Variants in TSPEAR observed in about 807,000 individuals in gnomAD.
TSPEAR encodes thrombospondin-type laminin G domain and EAR repeat-containing protein.
TSPEAR carries 69 observed loss-of-function variants against 71.6 expected under a neutral mutation model. The observed-to-expected ratio is 0.96, with a 90% CI of 0.79 to 1.18. The LOEUF (loss-of-function observed/expected upper bound fraction) is 1.18. Ranked by LOEUF, TSPEAR falls within the 50% of genes most tolerant of loss-of-function variation. TSPEAR has a pLI of 0.00. For missense variants in TSPEAR, 971 were observed against 894.9 expected, an observed-to-expected ratio of 1.09 and a Z score of -1.09; for synonymous variants, 402 against 387.2, an observed-to-expected ratio of 1.04 and a Z score of -0.45.
chr21:44,704,920 C>T (rs1243329790), intron 1 of TSPEAR, among the ~76,000 whole-genome samples: 1 of 152,132 alleles, frequency 6.6e-6, no homozygotes, highest in Non-Finnish European at 1.5e-5. Context: ...CTGCCCGCCC[C>T]GCCCAGACGC....
rs189930784 is a variant in TSPEAR at position 44,660,000 on chromosome 21, A to G, written c.82+51433T>C. Among the ~76,000 whole-genome samples, 229 of 152,344 alleles carry G rather than the reference A, an allele frequency of 1.5e-3. 1 individual carries two copies. Among genetic ancestry groups the G allele is most frequent in the African/African-American group, 5.4e-3 (223 of 41,584 alleles). On this transcript the variant is annotated intron_variant, in intron 1 of 11. Transcript: ENST00000323084. The stretch of plus-strand genomic sequence containing the variant: ...TACGGTATCACAGATGGCTTCCTTC[A>G]GTGGGTTCATCAGTATACTTGATAC...
At chr21:44,706,365 G>A (rs1569271085) in intron 1 of TSPEAR, among the ~76,000 whole-genome samples, 2 of 147,036 alleles carry the variant, frequency 1.4e-5, no homozygotes, top group African/African-American at 2.5e-5. Context: ...CCACTTGCAC[G>A]CCCATGCACG....
chr21:44,653,527 CT>C (rs587655609), intron 1 of TSPEAR, among the ~76,000 whole-genome samples: 13 of 152,282 alleles, frequency 8.5e-5, no homozygotes, highest in African/African-American at 2.9e-4. Context: ...TCCTTAAAAG[CT>C]TTTTTTATCA....
At chr21:44,652,059 C>A (rs1248767283) in intron 1 of TSPEAR, among the ~76,000 whole-genome samples, 1 of 149,602 alleles carries the variant, frequency 6.7e-6, no homozygotes, top group Non-Finnish European at 1.5e-5. Flanking sequence ...TCTCGGCTCA[C>A]TGCAAGGTCC....
chr21:44,688,404 G>A (rs1409157495), intron 1 of TSPEAR, among the ~76,000 whole-genome samples: 5 of 152,148 alleles, frequency 3.3e-5, no homozygotes, highest in African/African-American at 1.2e-4. Context: ...AGTTTACCAA[G>A]GATGAGGGAC....
intron 1 of TSPEAR, among the ~76,000 whole-genome samples, chr21:44,632,662 C>T (rs934811592): frequency 9.9e-5 from 15 of 152,072 alleles, no homozygotes; most frequent in African/African-American, 3.6e-4. Context: ...AGTGAAACTC[C>T]ATCTCTGCTA....
Position 44,642,922 on chromosome 21 carries a change from A to C in TSPEAR, c.82+68511T>G, listed in dbSNP as rs1326578123. Among the ~76,000 whole-genome samples, 3 of 152,222 alleles carry C rather than the reference A, an allele frequency of 2.0e-5. No individual in the cohort carries two copies. The highest frequency in any genetic ancestry group is 4.4e-5 in the Non-Finnish European group (3 of 68,040). ...AATCCCACTTCTGTGTATTTAAACA[A>C]GACAAATTAAAGCCAGAGCTCAGAG... On this transcript the variant is annotated intron_variant, in intron 1 of 11. Coordinates refer to ENST00000323084, the MANE Select transcript of TSPEAR (RefSeq NM_144991.3). The surrounding 1 kb of genome is among the most constrained non-coding windows in gnomAD (Gnocchi z 4.1).
intron 1 of TSPEAR, among the ~76,000 whole-genome samples, chr21:44,634,244 C>A (rs587697579): frequency 6.6e-6 from 1 of 152,192 alleles, no homozygotes; most frequent in South Asian, 2.1e-4. Flanking sequence ...CTGAGCAATA[C>A]CCTGTCTCTG....
chr21:44,558,083 G>A (rs371048080), intron 2 of TSPEAR: 51 of 1,611,658 alleles, frequency 3.2e-5, no homozygotes, highest in African/African-American at 1.2e-4. Context: ...AGGAGAGGCC[G>A]CAGCACGCGG....
chr21:44,551,079 T>C, intron 2 of TSPEAR: 1 of 1,571,666 alleles, frequency 6.4e-7, no homozygotes, highest in Non-Finnish European at 8.7e-7. Flanking sequence ...GCAAGCTGGC[T>C]GGCAGCTAGA....
At position 44,687,885 on chromosome 21, in the gene TSPEAR, G is replaced by C. The variant is rs1555949138; in HGVS notation, c.82+23548C>G. 6.6e-6 allele frequency among the ~76,000 whole-genome samples: 1 copy of C among 152,178 alleles called. No individual in the cohort carries two copies. The highest frequency in any genetic ancestry group is 2.4e-5 in the African/African-American group (1 of 41,434). On this transcript the variant is annotated intron_variant, in intron 1 of 11. Coordinates refer to ENST00000323084, the MANE Select transcript of TSPEAR (RefSeq NM_144991.3). The surrounding 1 kb of genome is among the most constrained non-coding windows in gnomAD (Gnocchi z 4.4). ...GGTTGCTGCAGTGTGTGAGTGAAGTGTGCGGTTGCTGCACCTTCCCCTGCA... is the reference window on the plus strand; with the variant it reads ...GGTTGCTGCAGTGTGTGAGTGAAGTCTGCGGTTGCTGCACCTTCCCCTGCA...
intron 1 of TSPEAR, among the ~76,000 whole-genome samples, chr21:44,709,034 A>G (rs2146343272): frequency 6.6e-6 from 1 of 152,340 alleles, no homozygotes; most frequent in Admixed American, 6.5e-5. Flanking sequence ...CACTCAGGAC[A>G]GGGAGAGGCA....
intron 1 of TSPEAR, among the ~76,000 whole-genome samples, chr21:44,607,446 A>ATT (rs1555930037): frequency 6.6e-6 from 1 of 152,224 alleles, no homozygotes; most frequent in African/African-American, 2.4e-5. Context: ...AATACACACA[A>ATT]TTATTATTTG....
At position 44,539,111 on chromosome 21, in the gene TSPEAR, G is replaced by A. The variant is rs587600888; in HGVS notation, c.304-5188C>T. On this transcript the variant is annotated intron_variant, in intron 2 of 11. Transcript: ENST00000323084. ...CCTAGCAGGCAGGTGGGCACCTGCT[G>A]GAAGGCAAGAGCTGGGGAGCTGCAA... The A allele has an allele frequency of 1.7e-5, 17 of 1,023,204 alleles. No individual in the cohort carries two copies. In the African/African-American group the frequency reaches 2.8e-4, roughly 17 times the overall value. 63.4% of individuals were successfully genotyped at this position (1,023,204 alleles called of 1,614,324 possible).
intron 1 of TSPEAR, among the ~76,000 whole-genome samples, chr21:44,613,938 G>A (rs587604234): frequency 1.2e-4 from 19 of 152,266 alleles, no homozygotes; most frequent in Admixed American, 9.1e-4. Context: ...TGGCTCTGCC[G>A]CCCCGACCGG....
chr21:44,561,177 A>C (rs981689156), intron 2 of TSPEAR, among the ~76,000 whole-genome samples: 2 of 152,220 alleles, frequency 1.3e-5, no homozygotes, highest in Non-Finnish European at 2.9e-5. Context: ...ACAAAAATAC[A>C]AACGGCCATC....
chr21:44,683,532 G>A (rs1466367731), intron 1 of TSPEAR, among the ~76,000 whole-genome samples: 1 of 152,076 alleles, frequency 6.6e-6, no homozygotes, highest in Non-Finnish European at 1.5e-5. Flanking sequence ...AGCCAGACAT[G>A]GTGGTGCATG....
chr21:44,621,503 C>A (rs1343661929), intron 1 of TSPEAR, among the ~76,000 whole-genome samples: 1 of 152,234 alleles, frequency 6.6e-6, no homozygotes, highest in African/African-American at 2.4e-5. Context: ...AGGCTCCTTT[C>A]CTGGCCTATG....
rs370548162 is a variant in TSPEAR, at chr21:44,527,287, C to T, written c.1149+5G>A. ...GATGGAGAAAGTCACCGAACACAGACTTGCCTTTTTCCCGATGGTGAAATG... is the reference window on the plus strand; with the variant it reads ...GATGGAGAAAGTCACCGAACACAGATTTGCCTTTTTCCCGATGGTGAAATG... On this transcript the variant is annotated splice_donor_5th_base_variant and intron_variant, in intron 7 of 11. Transcript: ENST00000323084. 18 of 1,614,022 alleles carry T rather than the reference C, an allele frequency of 1.1e-5. No homozygotes were observed. The Middle Eastern group carries it at 6.6e-4, about 59-fold the overall frequency.
Sources: gnomAD v4.1 joint callset for allele counts (sites outside exome capture counted in the v4.1 genomes callset) on GRCh38, gnomAD v4.1.1 for gene constraint, Gnocchi (gnomAD v3.1) non-coding constraint, MANE v1.5 for transcripts, NCBI Gene and HGNC (gene_info 2026-07-23, HGNC 2026-07-21) for gene names.